Variants in GNG7 observed in about 807,000 individuals in gnomAD.
The protein encoded by GNG7 is guanine nucleotide-binding protein G(I)/G(S)/G(O) subunit gamma-7.
In GNG7, 1 loss-of-function variant was observed where a neutral mutation model predicts 4.0. The ratio of observed to expected loss-of-function variants is 0.25; its 90% CI spans 0.09 to 1.18. The LOEUF (loss-of-function observed/expected upper bound fraction) is 1.18, where lower values mean the gene tolerates loss of function less well. Ranked by LOEUF, GNG7 falls within the 50% of genes most tolerant of loss-of-function variation. The pLI, the probability that GNG7 is intolerant of heterozygous loss-of-function variation, is 0.50. For missense variants in GNG7, 86 were observed against 91.9 expected, an observed-to-expected ratio of 0.94 and a Z score of 0.26; for synonymous variants, 34 against 36.9, an observed-to-expected ratio of 0.92 and a Z score of 0.29.
chr19:2,550,140 T>C (rs758475), intron 3 of GNG7, among the ~76,000 whole-genome samples: 95,549 of 151,818 alleles, frequency 0.63, 30,775 homozygotes, highest in African/African-American at 0.77. Context: ...GGGTTGAGAC[T>C]GGCTCACAGG....
intron 3 of GNG7, among the ~76,000 whole-genome samples, chr19:2,541,499 C>A (rs1978960961): frequency 6.6e-6 from 1 of 151,802 alleles, no homozygotes; most frequent in South Asian, 2.1e-4. Flanking sequence ...GGTTGGGAGG[C>A]CGAGGTGGGT....
In GNG7 at chr19:2,657,364, ATATATATATATATATAT is replaced by A. The variant is rs1568276417; in HGVS notation, c.-134-11101_-134-11085del. On this transcript the variant is annotated intron_variant, in intron 1 of 4. Transcript: ENST00000382159. ...AAAAAAAAAAAAAAAAAAAAAAAAT[ATATATATATATATATAT>A]ATATATATATATATATATACACATA... Among the ~76,000 whole-genome samples the A allele has an allele frequency of 1.5e-3, 27 of 17,438 alleles. 1 individual carries two copies. The highest frequency in any genetic ancestry group is 2.7e-3 in the Non-Finnish European group (23 of 8,606). 11.4% of individuals were successfully genotyped at this position (17,438 alleles called of 152,430 possible).
At chr19:2,680,054 T>G (rs1415360326) in intron 1 of GNG7, among the ~76,000 whole-genome samples, 2 of 152,000 alleles carry the variant, frequency 1.3e-5, no homozygotes, top group Non-Finnish European at 2.9e-5. Context: ...AGCTCACGCC[T>G]GTAACCCCAG....
intron 2 of GNG7, among the ~76,000 whole-genome samples, chr19:2,607,565 A>T (rs1397115810): frequency 4.4e-4 from 11 of 25,118 alleles, no homozygotes; most frequent in Non-Finnish European, 1.2e-3. Flanking sequence ...AAAATGGTAA[A>T]AAAAAAAAAA....
At chr19:2,523,572 T>A (rs778379286) in intron 3 of GNG7, among the ~76,000 whole-genome samples, 4 of 152,074 alleles carry the variant, frequency 2.6e-5, no homozygotes, top group Non-Finnish European at 5.9e-5. Flanking sequence ...GTGCCTCAAC[T>A]ACGGTGATGA....
At chr19:2,568,612 TATA>T (rs1980031513) in intron 2 of GNG7, among the ~76,000 whole-genome samples, 1 of 148,672 alleles carries the variant, frequency 6.7e-6, no homozygotes, top group Non-Finnish European at 1.5e-5. Flanking sequence ...CATACACACA[TATA>T]TACACATACA....
At chr19:2,657,355 AAAAAAAATATATATATATATATAT>A (rs981000412) in intron 1 of GNG7, among the ~76,000 whole-genome samples, 1 of 19,158 alleles carries the variant, frequency 5.2e-5, no homozygotes, top group African/African-American at 1.2e-4. Context: ...AAAAAAAAAA[AAAAAAAATATATATATATATATAT>A]ATATATATAT....
rs114482008 is a variant in GNG7, at chr19:2,547,939, C to G, written c.-38+7210G>C. 9.3e-3 allele frequency among the ~76,000 whole-genome samples: 1,420 copies of G among 152,286 alleles called. 20 individuals are homozygous for G. Among genetic ancestry groups the G allele is most frequent in the African/African-American group, 0.033 (1,356 of 41,554 alleles). On this transcript the variant is annotated intron_variant, in intron 3 of 4. Transcript: ENST00000382159. ...CTGGGCTCTGCAGCAGGGGCCGGCCCGTCCGGGCACACACATGGCCAAGGA... is the reference window on the plus strand; with the variant it reads ...CTGGGCTCTGCAGCAGGGGCCGGCCGGTCCGGGCACACACATGGCCAAGGA...
chr19:2,598,459 C>T (rs1245585230), intron 2 of GNG7, among the ~76,000 whole-genome samples: 14 of 151,172 alleles, frequency 9.3e-5, no homozygotes, highest in Non-Finnish European at 1.9e-4. Flanking sequence ...AGATCGAGAC[C>T]ATCCTGGCTA....
intron 2 of GNG7, among the ~76,000 whole-genome samples, chr19:2,597,978 C>T (rs1981077151): frequency 6.6e-6 from 1 of 151,808 alleles, no homozygotes; most frequent in South Asian, 2.1e-4. Flanking sequence ...CTCCATATTG[C>T]TGTACGTATC....
chr19:2,516,294 G>A (rs1972734102), intron 4 of GNG7, among the ~76,000 whole-genome samples: 1 of 152,008 alleles, frequency 6.6e-6, no homozygotes, highest in African/African-American at 2.4e-5. Context: ...GCAGTGGTGT[G>A]ATCACTGCAA....
In GNG7 at chr19:2,514,926, G is replaced by C. The variant is rs1319293415; in HGVS notation, c.*96C>G. 1.0e-6 allele frequency: 1 copy of C among 993,522 alleles called. No individual in the cohort carries two copies. The highest frequency in any genetic ancestry group is 1.5e-6 in the Non-Finnish European group (1 of 651,888). 61.5% of individuals were successfully genotyped at this position (993,522 alleles called of 1,614,324 possible). A position where few individuals can be genotyped will look rare whatever the true frequency, so the allele number is the denominator to read the frequency against. On this transcript the variant is annotated 3_prime_UTR_variant, in exon 5 of 5. Coordinates refer to ENST00000382159, the MANE Select transcript of GNG7 (RefSeq NM_052847.3). ...TGGGGACTTGAGATGTTTTGTTTGA[G>C]CTAATTACTGAATGATGCCCTGCCT...
chr19:2,606,272 T>C (rs187252315), intron 2 of GNG7, among the ~76,000 whole-genome samples: 326 of 151,440 alleles, frequency 2.2e-3, no homozygotes, highest in African/African-American at 7.7e-3. Context: ...CTTGGGGGGC[T>C]GAGGTGGGAG....
rs777393923 is a variant in GNG7 at position 2,635,114 on chromosome 19, G to A, written c.-78+11110C>T. ...ACTGCAGGCTGCTGAGCAGCGTCCC[G>A]GGCCTCCACCCACTCCATGCCAGGG... On this transcript the variant is annotated intron_variant, in intron 2 of 4. Coordinates refer to ENST00000382159, the MANE Select transcript of GNG7 (RefSeq NM_052847.3). 3.3e-5 allele frequency among the ~76,000 whole-genome samples: 5 copies of A among 152,168 alleles called. No homozygotes were observed. The South Asian group carries it at 8.3e-4, about 25-fold the overall frequency.
At chr19:2,641,024 T>C (rs912881016) in intron 2 of GNG7, among the ~76,000 whole-genome samples, 6 of 152,074 alleles carry the variant, frequency 3.9e-5, no homozygotes, top group African/African-American at 1.4e-4. Context: ...GTCTATGAAA[T>C]GAAGGGGAGG....
chr19:2,687,107 G>A (rs2144906177), intron 1 of GNG7, among the ~76,000 whole-genome samples: 1 of 151,466 alleles, frequency 6.6e-6, no homozygotes, highest in East Asian at 2.0e-4. Flanking sequence ...ACCCACACTG[G>A]AGTGCAGGGG....
chr19:2,646,916 C>T (rs1323830259), intron 1 of GNG7, among the ~76,000 whole-genome samples: 4 of 152,230 alleles, frequency 2.6e-5, no homozygotes, highest in South Asian at 4.1e-4. Context: ...GTTAGTCCCA[C>T]GGTGCCCAGA....
intron 2 of GNG7, among the ~76,000 whole-genome samples, chr19:2,587,200 G>C (rs190808044): frequency 3.3e-5 from 5 of 152,114 alleles, no homozygotes; most frequent in Non-Finnish European, 5.9e-5. Context: ...ACACCAGGAG[G>C]AAGTGACCTG....
chr19:2,561,787 A>G (rs886405912), intron 2 of GNG7, among the ~76,000 whole-genome samples: 3 of 151,678 alleles, frequency 2.0e-5, no homozygotes, highest in Non-Finnish European at 4.4e-5. Flanking sequence ...AGGCTGAGGC[A>G]GGAGAATCGC....
Sources: gnomAD v4.1 joint callset for allele counts (sites outside exome capture counted in the v4.1 genomes callset) on GRCh38, gnomAD v4.1.1 for gene constraint, MANE v1.5 for transcripts, NCBI Gene and HGNC (gene_info 2026-07-23, HGNC 2026-07-21) for gene names.